Variants in COG1 observed in about 807,000 individuals in gnomAD.
The protein encoded by COG1 is conserved oligomeric Golgi complex subunit 1.
COG1 carries 61 observed loss-of-function variants against 102.2 expected under a neutral mutation model. That is an observed-to-expected ratio of 0.60 (90% CI 0.49 to 0.74). The LOEUF is 0.74. COG1 is among the 30% of genes least tolerant of loss of function. The pLI is 0.00. For synonymous variants in COG1, 454 were observed against 493.6 expected, an observed-to-expected ratio of 0.92 and a Z score of 1.06; for missense variants, 1,164 against 1,232.1, an observed-to-expected ratio of 0.94 and a Z score of 0.83.
chr17:73,204,511 G>C (rs2061360084), intron 9 of COG1, among the ~76,000 whole-genome samples: 1 of 151,548 alleles, frequency 6.6e-6, no homozygotes, highest in Non-Finnish European at 1.5e-5. Context: ...TCACTGTCTA[G>C]GAAGCGTTCT....
intron 13 of COG1, chr17:73,207,587 C>G (rs773876037): frequency 1.8e-5 from 15 of 828,320 alleles, no homozygotes; most frequent in Non-Finnish European, 2.7e-5. Flanking sequence ...TGGAGAAAAT[C>G]TGTTTTGTTC....
chr17:73,206,552 T>C (rs1217670232), intron 11 of COG1, among the ~76,000 whole-genome samples, 156 bp from the exon 12 acceptor site: 1 of 151,620 alleles, frequency 6.6e-6, no homozygotes, highest in African/African-American at 2.4e-5. Flanking sequence ...CTGTGGGCAG[T>C]GATAAAAAGT....
intron 1 of COG1, among the ~76,000 whole-genome samples, chr17:73,196,026 G>A (rs1224309439): frequency 6.6e-6 from 1 of 152,236 alleles, no homozygotes; most frequent in African/African-American, 2.4e-5. Flanking sequence ...TAACACAAGT[G>A]TATTTTTCAC....
rs71710311 is a variant in COG1 at position 73,207,774 on chromosome 17, GAA to G, written c.2805+520_2805+521del. ...AATTGTGCTGTGTGCATGTGTGTTT[GAA>G]AGCTCAAACAGCTTGTCTTCTTACA... On this transcript the variant is annotated intron_variant, in intron 13 of 13. Transcript: ENST00000299886. 2.4e-3 allele frequency: 3,053 copies of G among 1,289,428 alleles called. 67 individuals carry two copies. In the African/African-American group the frequency reaches 0.042, roughly 18 times the overall value. 79.9% of individuals were successfully genotyped at this position (1,289,428 alleles called of 1,614,324 possible).
rs900127947 is a variant in COG1, at chr17:73,206,220, A to T, written c.2577A>T (p.Pro859=). The change falls in exon 11 of 14, where the codon CCA becomes CCT. Residue 859 remains proline (P), a synonymous_variant. Coordinates refer to ENST00000299886, the MANE Select transcript of COG1 (RefSeq NM_018714.3). Reference sequence around the variant, plus strand: ...CATTTGACCTGGACGTTTTCACGCCACACCTCAACAGCAACCTTCATCGCC... The same window carrying T: ...CATTTGACCTGGACGTTTTCACGCCTCACCTCAACAGCAACCTTCATCGCC... ...IDPFDLDVFT[P]HLNSNLHRLV... 1.2e-6 allele frequency: 2 copies of T among 1,614,040 alleles called. No homozygotes were observed. Among genetic ancestry groups the T allele is most frequent in the Non-Finnish European group, 1.7e-6 (2 of 1,179,998 alleles).
At chr17:73,207,116 G>GAAAAAAAA in intron 12 of COG1, 65 bp from the exon 13 acceptor site, 1 of 837,730 alleles carries the variant, frequency 1.2e-6, no homozygotes, top group Non-Finnish European at 1.8e-6. Flanking sequence ...AAAAAAAAAT[G>GAAAAAAAA]AGGCTTCTGC....
At chr17:73,202,010 T>A in intron 7 of COG1, 110 bp downstream of exon 7, 1 of 1,131,946 alleles carries the variant, frequency 8.8e-7, no homozygotes, top group Non-Finnish European at 1.3e-6. Flanking sequence ...TCTGATTTCA[T>A]ACGGTTAACT....
chr17:73,207,981 G>A, intron 13 of COG1: 1 of 1,267,174 alleles, frequency 7.9e-7, no homozygotes, highest in Non-Finnish European at 1.0e-6. Flanking sequence ...CCTAAGCATG[G>A]GCTATGTTGC....
At chr17:73,205,530 G>A (rs374055942) in intron 9 of COG1, 23 bp from the exon 10 acceptor site, 15 of 1,613,722 alleles carry the variant, frequency 9.3e-6, no homozygotes, top group Middle Eastern at 3.3e-4. Context: ...CTTCATGGGT[G>A]GGGACTGGGA....
rs1218182488 is a variant in COG1, at chr17:73,206,003, G to A, written c.2511-151G>A. 70 of 735,022 alleles carry A rather than the reference G, an allele frequency of 9.5e-5. No individual in the cohort carries two copies. In the Admixed American group the frequency reaches 1.4e-3, roughly 15 times the overall value. The allele number at this position is 735,022 out of a possible 1,614,324, so 45.5% of individuals were successfully genotyped here. A position where few individuals can be genotyped will look rare whatever the true frequency, so the allele number is the denominator to read the frequency against. ...TCACTTAGACATCATGCTTGAGGGT[G>A]ACTTAAGCACTATCATCAGTGACAA... On this transcript the variant is annotated intron_variant, in intron 10 of 13. Transcript: ENST00000299886.
At chr17:73,204,482 C>T (rs2061359969) in intron 9 of COG1, among the ~76,000 whole-genome samples, 1 of 152,112 alleles carries the variant, frequency 6.6e-6, no homozygotes, top group Admixed American at 6.6e-5. Context: ...TTCTTGTCTC[C>T]CAACCCTTCA....
intron 10 of COG1, 188 bp from the exon 11 acceptor site, chr17:73,205,966 A>G (rs200014937): frequency 1.5e-6 from 1 of 681,508 alleles, no homozygotes. Context: ...AGAACGGGGG[A>G]AAGGGTGGAC....
At chr17:73,199,626 G>C (rs2061338864) in intron 4 of COG1, among the ~76,000 whole-genome samples, 1 of 152,156 alleles carries the variant, frequency 6.6e-6, no homozygotes, top group African/African-American at 2.4e-5. Flanking sequence ...CCAGGCTTGA[G>C]TGTAGTGGCA....
In COG1 at chr17:73,203,636, C is replaced by A. The variant is rs201654896; in HGVS notation, c.2225C>A (p.Ser742Tyr). 1.1e-5 allele frequency: 18 copies of A among 1,614,222 alleles called. No homozygotes were observed. The African/African-American group carries it at 2.1e-4, about 19-fold the overall frequency. The part of the protein sequence containing the change: ...TSKIRLPAQP[S>Y]WYVQSFLFSL... ...GACATTTCTTTGTTCTTTTAGCCGT[C>A]CTGGTATGTACAGTCCTTCCTGTTT... Residue 742 changes from serine to tyrosine, a missense_variant, in exon 9 of 14, where the codon TCC (serine) becomes TAC (tyrosine). By Grantham distance (144) the Ser-to-Tyr change is moderately radical. Transcript: ENST00000299886.
intron 5 of COG1, 39 bp downstream of exon 5, chr17:73,200,060 G>A: frequency 6.3e-7 from 1 of 1,591,442 alleles, no homozygotes; most frequent in Non-Finnish European, 8.6e-7. Flanking sequence ...GCTGGCAGGA[G>A]CCACCCATGC....
chr17:73,208,310 G>T lies in COG1; in HGVS notation c.2806-4G>T, dbSNP rs1470192965. ...AAGGCACTTTTCTCTACATCCAATG[G>T]CAGGTTGTCCCCCCGGCACGCTCCA... On this transcript the variant is annotated splice_region_variant and splice_polypyrimidine_tract_variant and intron_variant, in intron 13 of 13. Coordinates refer to ENST00000299886, the MANE Select transcript of COG1 (RefSeq NM_018714.3). 1.2e-6 allele frequency: 2 copies of T among 1,613,276 alleles called. No individual in the cohort carries two copies. The highest frequency in any genetic ancestry group is 3.3e-5 in the Admixed American group (2 of 60,034).
chr17:73,201,247 T>C lies in COG1; in HGVS notation c.1420T>C (p.Phe474Leu). ...HIHFEYNMSL[F>L]LWSESPNDLP... ...CCACTTTGAGTACAACATGTCGCTC[T>C]TCCTCTGGTCTGAGAGTCCTAATGA... Residue 474 changes from phenylalanine to leucine, a missense_variant, in exon 7 of 14, where the codon TTC (phenylalanine) becomes CTC (leucine). Coordinates refer to ENST00000299886, the MANE Select transcript of COG1 (RefSeq NM_018714.3). 6.2e-7 allele frequency: 1 copy of C among 1,614,244 alleles called. No homozygotes were observed. The highest frequency in any genetic ancestry group is 1.1e-5 in the South Asian group (1 of 91,080).
In COG1 at chr17:73,206,708, G is replaced by A. The variant is rs1334819190; in HGVS notation, c.2620G>A (p.Val874Ile). 7 of 1,609,042 alleles carry A rather than the reference G, an allele frequency of 4.4e-6. No homozygotes were observed. The highest frequency in any genetic ancestry group is 5.9e-6 in the Non-Finnish European group (7 of 1,177,174). The change falls in exon 12 of 14, where the codon GTT becomes ATT. Residue 874 changes from valine (V) to isoleucine (I), a missense_variant and splice_region_variant. Transcript: ENST00000299886. ...CTCTGCTCCACCTCTTGTCTGCCAGGTTCTGTTTGGATTGGTGACTGGTAC... is the reference window on the plus strand; with the variant it reads ...CTCTGCTCCACCTCTTGTCTGCCAGATTCTGTTTGGATTGGTGACTGGTAC... ...NLHRLVQRTS[V>I]LFGLVTGTEN...
Position 73,199,887 on chromosome 17 carries a change from G to A in COG1, c.936G>A (p.Gln312=). The A allele has an allele frequency of 6.2e-7, 1 of 1,614,196 alleles. No homozygotes were observed. The highest frequency in any genetic ancestry group is 2.2e-5 in the East Asian group (1 of 44,888). Residue 312 remains glutamine, a synonymous_variant, in exon 5 of 14, where the codon CAG becomes CAA. Transcript: ENST00000299886. ...TAGGAAAGGGCACTGGTGTCCTGCA[G>A]GAAGAGATGAAACTCTGCAGCTGGT... ...HPAGKGTGVL[Q]EEMKLCSWFK... is the part of the protein sequence containing the mutation.
Sources: allele counts gnomAD v4.1 joint callset (sites outside exome capture counted in the v4.1 genomes callset), GRCh38; gene constraint gnomAD v4.1.1; transcripts MANE v1.5; gene names NCBI Gene and HGNC (gene_info 2026-07-23, HGNC 2026-07-21).